The following ADAMTS6 variants were observed in gnomAD, a reference collection of about 807,000 sequenced individuals.
The protein encoded by ADAMTS6 is ADAM metallopeptidase with thrombospondin type 1 motif 6.
A neutral mutation model predicts 144.3 loss-of-function variants in ADAMTS6; 23 were observed. The observed-to-expected ratio is 0.16, with a 90% confidence interval of 0.11 to 0.23. The LOEUF is 0.23. Among genes scored for constraint, ADAMTS6 ranks in the 10% least tolerant of loss-of-function variants. The pLI is 1.00. For synonymous variants in ADAMTS6, 444 were observed against 457.5 expected (o/e 0.97, Z 0.38); for missense variants, 999 against 1,379.6 (o/e 0.72, Z 4.37).
At chr5:65,312,987 C>A (rs1033037608) in intron 9 of ADAMTS6, among the ~76,000 whole-genome samples, 1 of 152,022 alleles carries the variant, frequency 6.6e-6, no homozygotes, top group African/African-American at 2.4e-5. Flanking sequence ...ATAGCTAAAA[C>A]TCTTACCAGT....
intron 24 of ADAMTS6, among the ~76,000 whole-genome samples, chr5:65,167,519 C>T (rs1438248478): frequency 6.6e-6 from 1 of 150,380 alleles, no homozygotes; most frequent in East Asian, 2.0e-4. Flanking sequence ...GGGAATCCTC[C>T]CTAACTCATT....
At chr5:65,186,700 C>T (rs938408997) in intron 22 of ADAMTS6, among the ~76,000 whole-genome samples, 1 of 152,134 alleles carries the variant, frequency 6.6e-6, no homozygotes, top group Non-Finnish European at 1.5e-5. Flanking sequence ...TTTTCCATGA[C>T]CACTGACAGA....
intron 15 of ADAMTS6, among the ~76,000 whole-genome samples, chr5:65,241,040 A>C (rs2112489648): frequency 6.6e-6 from 1 of 152,276 alleles, no homozygotes; most frequent in Non-Finnish European, 1.5e-5. Flanking sequence ...TTTACTTTGA[A>C]ATACATCAAA....
chr5:65,170,633 G>T lies in ADAMTS6; in HGVS notation c.3228C>A (p.Pro1076=), dbSNP rs779097551. ...QQCESKCDST[P]ISNTEECKDV... is the part of the protein sequence containing the mutation. ...AAAACTCACCTTCAGTATTAGAAAT[G>T]GGGGTACTGTCACATTTGCTTTCAC... is the stretch of plus-strand genomic sequence containing the variant. Residue 1076 remains proline, a synonymous_variant, in exon 24 of 25, where the codon CCC becomes CCA. Transcript: ENST00000381055. The T allele has an allele frequency of 2.0e-5, 33 of 1,613,868 alleles. No homozygotes were observed. In the East Asian group the frequency reaches 7.3e-4, roughly 36 times the overall value.
intron 21 of ADAMTS6, among the ~76,000 whole-genome samples, chr5:65,191,925 A>G (rs543990238): frequency 6.6e-6 from 1 of 152,268 alleles, no homozygotes; most frequent in East Asian, 1.9e-4. Context: ...CAAGCTGGTG[A>G]TGTCTGATGT....
intron 7 of ADAMTS6, among the ~76,000 whole-genome samples, chr5:65,433,787 A>G (rs1252095931): frequency 2.6e-5 from 4 of 152,230 alleles, no homozygotes; most frequent in African/African-American, 9.6e-5. Context: ...GCTGGTGGCC[A>G]TGATGTGGAG....
chr5:65,370,997 C>T (rs1450429139), intron 7 of ADAMTS6, among the ~76,000 whole-genome samples: 2 of 152,144 alleles, frequency 1.3e-5, no homozygotes, highest in Non-Finnish European at 2.9e-5. Flanking sequence ...CTGGGAGGCA[C>T]CCCCCAGCAG....
chr5:65,341,416 T>C (rs569652269), intron 7 of ADAMTS6, among the ~76,000 whole-genome samples: 7 of 151,960 alleles, frequency 4.6e-5, no homozygotes, highest in Non-Finnish European at 1.0e-4. Flanking sequence ...AAAAGGTGGT[T>C]TTTTGAAAAG....
At chr5:65,158,490 A>T (rs921432883) in intron 24 of ADAMTS6, among the ~76,000 whole-genome samples, 5 of 152,206 alleles carry the variant, frequency 3.3e-5, no homozygotes, top group Admixed American at 3.3e-4. Flanking sequence ...TGTACTATTG[A>T]GAAGCTGAAA....
intron 7 of ADAMTS6, among the ~76,000 whole-genome samples, chr5:65,371,516 T>C (rs1275280223): frequency 6.6e-6 from 1 of 152,014 alleles, no homozygotes; most frequent in Non-Finnish European, 1.5e-5. Flanking sequence ...GAAGAAAGGG[T>C]ATCAGCGATG....
chr5:65,357,455 GA>G (rs907294530), intron 7 of ADAMTS6, among the ~76,000 whole-genome samples: 15 of 149,792 alleles, frequency 1.0e-4, no homozygotes, highest in Admixed American at 2.0e-4. Context: ...CAAGGAACTA[GA>G]AAAAAAAGAA....
chr5:65,170,654 T>C lies in ADAMTS6; in HGVS notation c.3207A>G (p.Glu1069=), dbSNP rs1277633403. The change falls in exon 24 of 25, where the codon GAA becomes GAG. Residue 1069 remains glutamate, a synonymous_variant. Transcript: ENST00000381055. ...AAATGGGGGTACTGTCACATTTGCTTTCACACTGCTGCATTGATGGAGGCC... is the reference window on the plus strand; with the variant it reads ...AAATGGGGGTACTGTCACATTTGCTCTCACACTGCTGCATTGATGGAGGCC... ...TVRPPSMQQC[E]SKCDSTPISN... 3 of 1,614,106 alleles carry C rather than the reference T, an allele frequency of 1.9e-6. No homozygotes were observed.
chr5:65,452,474 A>AAC (rs946077732), intron 5 of ADAMTS6, among the ~76,000 whole-genome samples: 1 of 151,732 alleles, frequency 6.6e-6, no homozygotes, highest in African/African-American at 2.4e-5. Context: ...AAAAAAAAAA[A>AAC]AAACCCTTAA....
At chr5:65,352,852 T>C (rs1253561896) in intron 7 of ADAMTS6, among the ~76,000 whole-genome samples, 1 of 152,058 alleles carries the variant, frequency 6.6e-6, no homozygotes, top group Non-Finnish European at 1.5e-5. Flanking sequence ...TATATATATT[T>C]ACCAATAAAT....
At chr5:65,431,082 A>G (rs1304180164) in intron 7 of ADAMTS6, among the ~76,000 whole-genome samples, 3 of 152,184 alleles carry the variant, frequency 2.0e-5, no homozygotes, top group African/African-American at 7.2e-5. Context: ...GAGTGTCTCA[A>G]TGAATGAATA....
intron 7 of ADAMTS6, among the ~76,000 whole-genome samples, chr5:65,419,144 A>T (rs1359948202): frequency 1.3e-5 from 2 of 152,218 alleles, no homozygotes; most frequent in Non-Finnish European, 2.9e-5. Flanking sequence ...CATGTTATCA[A>T]CTAGGTGCCC....
At chr5:65,352,906 A>C (rs1262113885) in intron 7 of ADAMTS6, among the ~76,000 whole-genome samples, 1 of 152,022 alleles carries the variant, frequency 6.6e-6, no homozygotes, top group Non-Finnish European at 1.5e-5. Context: ...ATGATATGTA[A>C]ATGATCTAAG....
intron 20 of ADAMTS6, among the ~76,000 whole-genome samples, chr5:65,198,059 G>A (rs973345734): frequency 7.9e-5 from 12 of 152,132 alleles, no homozygotes; most frequent in African/African-American, 2.9e-4. Context: ...GGAAACAAAA[G>A]AAGCAGACAG....
intron 4 of ADAMTS6, among the ~76,000 whole-genome samples, chr5:65,456,215 A>G (rs113211909): frequency 6.6e-6 from 1 of 152,028 alleles, no homozygotes; most frequent in Non-Finnish European, 1.5e-5. Context: ...CTTAGTCTAA[A>G]ATAGAAAACA....
Sources: allele counts gnomAD v4.1 joint callset (sites outside exome capture counted in the v4.1 genomes callset), GRCh38; gene constraint gnomAD v4.1.1; transcripts MANE v1.5; gene names NCBI Gene and HGNC (gene_info 2026-07-23, HGNC 2026-07-21).